PARD3B: variants seen among roughly 807,000 people sequenced by gnomAD.
The protein encoded by PARD3B is partitioning defective 3 homolog B.
A neutral mutation model predicts 130.2 loss-of-function variants in PARD3B; 103 were observed. That is an observed-to-expected ratio of 0.79 (90% confidence interval 0.67 to 0.93). The LOEUF (loss-of-function observed/expected upper bound fraction) is 0.93, where lower values mean the gene tolerates loss of function less well. Ranked by LOEUF, PARD3B falls within the 40% of genes least tolerant of loss-of-function variation. The pLI, the probability that PARD3B is intolerant of heterozygous loss-of-function variation, is 0.00. For synonymous variants in PARD3B, 583 were observed against 553.2 expected (o/e 1.05, Z -0.76); for missense variants, 1,609 against 1,499.2 (o/e 1.07, Z -1.21).
intron 2 of PARD3B, among the ~76,000 whole-genome samples, chr2:204,936,095 G>A (rs1575355240): frequency 2.0e-5 from 3 of 152,332 alleles, no homozygotes. Context: ...TTCCCAGTGT[G>A]CTGTAGGAGA....
At chr2:205,426,066 G>A (rs775266230) in intron 19 of PARD3B, among the ~76,000 whole-genome samples, 1 of 152,056 alleles carries the variant, frequency 6.6e-6, no homozygotes, top group Admixed American at 6.6e-5. Context: ...TGTCAGATCT[G>A]GTTTAGGCTG....
intron 2 of PARD3B, among the ~76,000 whole-genome samples, chr2:204,749,155 A>G (rs1260924563): frequency 2.0e-5 from 3 of 152,122 alleles, no homozygotes; most frequent in Admixed American, 1.3e-4. Context: ...TCTAGCCTCT[A>G]TCTTTAGAAT....
intron 21 of PARD3B, among the ~76,000 whole-genome samples, chr2:205,548,873 C>T (rs2052493804): frequency 6.6e-6 from 1 of 152,074 alleles, no homozygotes; most frequent in Non-Finnish European, 1.5e-5. Flanking sequence ...AAACACACAT[C>T]TGATAATGAA....
At chr2:205,094,725 A>C (rs915899099) in intron 4 of PARD3B, among the ~76,000 whole-genome samples, 1 of 152,202 alleles carries the variant, frequency 6.6e-6, no homozygotes, top group Non-Finnish European at 1.5e-5. Flanking sequence ...TGCAAAAATA[A>C]ACAATTGCTT....
At chr2:205,062,646 AAG>A (rs1700126822) in intron 4 of PARD3B, among the ~76,000 whole-genome samples, 1 of 152,208 alleles carries the variant, frequency 6.6e-6, no homozygotes, top group African/African-American at 2.4e-5. Flanking sequence ...GAATAAATGA[AAG>A]AATGCATAAA....
At position 205,462,442 on chromosome 2, in the gene PARD3B, GATATA is replaced by G. The variant is rs577694835; in HGVS notation, c.3044+21777_3044+21781del. Among the ~76,000 whole-genome samples, 46 of 152,236 alleles carry G rather than the reference GATATA, an allele frequency of 3.0e-4. 2 individuals are homozygous for G. In the South Asian group the frequency reaches 9.5e-3, roughly 32 times the overall value. On this transcript the variant is annotated intron_variant, in intron 20 of 22. Transcript: ENST00000406610. ...TAAACCAGCTTCAGTAATTTGCACA[GATATA>G]ATATAACTGAAATGAGGCTCTTAAC...
rs1377377613 is a variant in PARD3B at position 205,575,845 on chromosome 2, G to A, written c.3260+22442G>A. Among the ~76,000 whole-genome samples, 1 of 152,130 alleles carries A rather than the reference G, an allele frequency of 6.6e-6. No individual in the cohort carries two copies. Among genetic ancestry groups the A allele is most frequent in the African/African-American group, 2.4e-5 (1 of 41,428 alleles). On this transcript the variant is annotated intron_variant, in intron 22 of 22. Coordinates refer to ENST00000406610, the MANE Select transcript of PARD3B (RefSeq NM_001302769.2). This position sits in a 1 kb window ranked among gnomAD's most constrained non-coding sequence, Gnocchi z 4.6. The stretch of plus-strand genomic sequence containing the variant: ...AGATGCTGTAAACGTGTATGGGCAG[G>A]TTTTCTTGTGGACATAAGTTTTCAG...
chr2:204,711,638 C>G (rs970634070), intron 2 of PARD3B, among the ~76,000 whole-genome samples: 1 of 151,990 alleles, frequency 6.6e-6, no homozygotes, highest in South Asian at 2.1e-4. Flanking sequence ...CTCTGCCTCC[C>G]AGGTTCAAGT....
intron 1 of PARD3B, among the ~76,000 whole-genome samples, chr2:204,631,053 C>T (rs1418184817): frequency 2.0e-5 from 3 of 152,002 alleles, no homozygotes; most frequent in Non-Finnish European, 4.4e-5. Context: ...AGCTTGTCAA[C>T]TGGAGATCTT....
chr2:205,274,440 C>A lies in PARD3B; in HGVS notation c.2186-26090C>A, dbSNP rs2040859841. Among the ~76,000 whole-genome samples the A allele has an allele frequency of 6.6e-6, 1 of 151,818 alleles. No individual in the cohort carries two copies. The highest frequency in any genetic ancestry group is 1.5e-5 in the Non-Finnish European group (1 of 67,936). On this transcript the variant is annotated intron_variant, in intron 16 of 22. Coordinates refer to ENST00000406610, the MANE Select transcript of PARD3B (RefSeq NM_001302769.2). This position sits in a 1 kb window ranked among gnomAD's most constrained non-coding sequence, Gnocchi z 4.2. Reference sequence around the variant, plus strand: ...ACTTTAATATTACTGAGGAAGAAACCTGTAGTAATCTTATTCACCTCATTG... The same window carrying A: ...ACTTTAATATTACTGAGGAAGAAACATGTAGTAATCTTATTCACCTCATTG...
chr2:204,886,905 G>C (rs369172779), intron 2 of PARD3B, among the ~76,000 whole-genome samples: 10 of 152,296 alleles, frequency 6.6e-5, no homozygotes, highest in African/African-American at 2.2e-4. Context: ...CATTTTCTTA[G>C]ATGGGCTTTA....
chr2:204,837,667 A>G (rs943011402), intron 2 of PARD3B, among the ~76,000 whole-genome samples: 1 of 152,094 alleles, frequency 6.6e-6, no homozygotes, highest in African/African-American at 2.4e-5. Context: ...TAAGTTTGTA[A>G]AGAGACCCTG....
chr2:205,456,309 AG>A (rs1421368833), intron 20 of PARD3B, among the ~76,000 whole-genome samples: 1 of 152,066 alleles, frequency 6.6e-6, no homozygotes, highest in African/African-American at 2.4e-5. Flanking sequence ...TTACAAACAG[AG>A]TTGCTATAAA....
Position 205,118,981 on chromosome 2 carries a change from A to C in PARD3B, c.741A>C (p.Leu247=). 2 of 1,612,856 alleles carry C rather than the reference A, an allele frequency of 1.2e-6. No homozygotes were observed. Among genetic ancestry groups the C allele is most frequent in the Non-Finnish European group, 1.7e-6 (2 of 1,179,492 alleles). ...ACAGCAGGTCCAAGCGGGAGGGACT[A>C]TTTCACGAAAATGAATGTATTGTAA... ...EDNSRSKREG[L]FHENECIVKI... Residue 247 remains leucine (L), a synonymous_variant, in exon 7 of 23, where the codon CTA becomes CTC. Coordinates refer to ENST00000406610, the MANE Select transcript of PARD3B (RefSeq NM_001302769.2).
chr2:204,573,971 C>G (rs760854817), intron 1 of PARD3B, among the ~76,000 whole-genome samples: 3 of 152,212 alleles, frequency 2.0e-5, no homozygotes, highest in Non-Finnish European at 2.9e-5. Context: ...TTAGCAGCCA[C>G]TGCAAGAGGT....
chr2:205,136,337 A>G (rs1193940578), intron 10 of PARD3B, among the ~76,000 whole-genome samples: 2 of 152,320 alleles, frequency 1.3e-5, no homozygotes, highest in East Asian at 3.9e-4. Flanking sequence ...ATTTACTTCT[A>G]CTTCACATGA....
chr2:204,707,909 C>T (rs1373943288), intron 2 of PARD3B, among the ~76,000 whole-genome samples: 2 of 152,088 alleles, frequency 1.3e-5, no homozygotes, highest in East Asian at 3.9e-4. Flanking sequence ...TGGAGCTCTA[C>T]CCAGAGGCGG....
chr2:204,771,764 T>G (rs2041397053), intron 2 of PARD3B, among the ~76,000 whole-genome samples: 2 of 152,148 alleles, frequency 1.3e-5, no homozygotes, highest in African/African-American at 4.8e-5. Flanking sequence ...TGGATTTTAT[T>G]ATTATACTTT....
rs1034737765 is a variant in PARD3B, at chr2:205,078,916, T to A, written c.505-25510T>A. On this transcript the variant is annotated intron_variant, in intron 4 of 22. Coordinates refer to ENST00000406610, the MANE Select transcript of PARD3B (RefSeq NM_001302769.2). This position sits in a 1 kb window ranked among gnomAD's most constrained non-coding sequence, Gnocchi z 4.0. Reference sequence around the variant, plus strand: ...CAGATCTCCCAGCTTCCAGCTCGCATCAATGGCCAGCCACGTAAGTGAGCC... The same window carrying A: ...CAGATCTCCCAGCTTCCAGCTCGCAACAATGGCCAGCCACGTAAGTGAGCC... Among the ~76,000 whole-genome samples the A allele has an allele frequency of 4.1e-4, 63 of 152,318 alleles. No homozygotes were observed. The highest frequency in any genetic ancestry group is 2.1e-4 in the South Asian group (1 of 4,822).
Sources: gnomAD v4.1 joint callset for allele counts (sites outside exome capture counted in the v4.1 genomes callset) on GRCh38, gnomAD v4.1.1 for gene constraint, Gnocchi (gnomAD v3.1) non-coding constraint, MANE v1.5 for transcripts, NCBI Gene and HGNC (gene_info 2026-07-23, HGNC 2026-07-21) for gene names.